Variants in SLC6A11 observed in about 807,000 individuals in gnomAD.
SLC6A11 encodes the protein sodium- and chloride-dependent GABA transporter 3.
In SLC6A11, 25 loss-of-function variants were observed where a neutral mutation model predicts 74.8. That is an observed-to-expected ratio of 0.33 (90% CI 0.24 to 0.47). The LOEUF (loss-of-function observed/expected upper bound fraction) is 0.47, where lower values mean the gene tolerates loss of function less well. Among genes scored for constraint, SLC6A11 ranks in the 20% least tolerant of loss-of-function variants. The pLI is 1.00. For missense variants in SLC6A11, 574 were observed against 837.0 expected (o/e 0.69, Z 3.88); for synonymous variants, 330 against 330.2 (o/e 1.00, Z 0.01).
intron 4 of SLC6A11, among the ~76,000 whole-genome samples, chr3:10,830,350 A>G (rs1312484250): frequency 6.6e-6 from 1 of 152,204 alleles, no homozygotes; most frequent in Non-Finnish European, 1.5e-5. Context: ...TTTAGATCCT[A>G]GGGGCTAAGG....
In SLC6A11 at chr3:10,912,457, C is replaced by T. The variant is rs1575699973; in HGVS notation, c.995+264C>T. On this transcript the variant is annotated intron_variant, in intron 7 of 13. Transcript: ENST00000254488. Reference sequence around the variant, plus strand: ...TCTCATTCAGGTCTCAGTGCCACCTCGTATGGTAAAGACGTATTCCAGGAT... The same window carrying T: ...TCTCATTCAGGTCTCAGTGCCACCTTGTATGGTAAAGACGTATTCCAGGAT... Among the ~76,000 whole-genome samples, 3 of 152,216 alleles carry T rather than the reference C, an allele frequency of 2.0e-5. No homozygotes were observed. In the East Asian group the frequency reaches 5.8e-4, roughly 29 times the overall value.
chr3:10,934,683 C>A (rs1204037935), intron 12 of SLC6A11, among the ~76,000 whole-genome samples: 5 of 152,244 alleles, frequency 3.3e-5, no homozygotes, highest in Admixed American at 2.0e-4. Context: ...TGAGAAGCAA[C>A]TTTGAAACCA....
rs576493059 is a variant in SLC6A11, at chr3:10,926,604, C to T, written c.1233+488C>T. 6.6e-6 allele frequency among the ~76,000 whole-genome samples: 1 copy of T among 152,202 alleles called. No homozygotes were observed. The highest frequency in any genetic ancestry group is 2.4e-5 in the African/African-American group (1 of 41,528). ...GTCCTGGATGCCACCACCAGCTCTGCCCCGCCACCGCCTGCCTGTCTCTGT... is the reference window on the plus strand; with the variant it reads ...GTCCTGGATGCCACCACCAGCTCTGTCCCGCCACCGCCTGCCTGTCTCTGT... On this transcript the variant is annotated intron_variant, in intron 9 of 13. Transcript: ENST00000254488. This position sits in a 1 kb window ranked among gnomAD's most constrained non-coding sequence, Gnocchi z 5.7.
chr3:10,875,089 C>T lies in SLC6A11; in HGVS notation c.885C>T (p.Asp295=). ...ACCCTGACCTCTCCCGGCTCTCCGA[C>T]CCCCAGGTAAGAGTCGCTTGCTCAA... ...YLYPDLSRLS[D]PQVWVDAGTQ... is the part of the protein sequence containing the mutation. Residue 295 remains aspartate, a synonymous_variant, in exon 6 of 14, where the codon GAC becomes GAT. Coordinates refer to ENST00000254488, the MANE Select transcript of SLC6A11 (RefSeq NM_014229.3). The T allele has an allele frequency of 6.2e-7, 1 of 1,607,052 alleles. No individual in the cohort carries two copies. Among genetic ancestry groups the T allele is most frequent in the East Asian group, 2.2e-5 (1 of 44,656 alleles).
chr3:10,910,920 C>T (rs532735256), intron 6 of SLC6A11, among the ~76,000 whole-genome samples: 37 of 148,650 alleles, frequency 2.5e-4, no homozygotes, highest in African/African-American at 9.2e-4. Flanking sequence ...CCTCCCAGTT[C>T]AAGCAATTCT....
chr3:10,843,871 C>G (rs1009443862), intron 4 of SLC6A11, among the ~76,000 whole-genome samples: 1 of 152,212 alleles, frequency 6.6e-6, no homozygotes, highest in Non-Finnish European at 1.5e-5. Flanking sequence ...TATGGGCTCC[C>G]TTCAGGGAGG....
intron 4 of SLC6A11, among the ~76,000 whole-genome samples, chr3:10,841,052 A>G (rs1050570325): frequency 1.3e-5 from 2 of 152,196 alleles, no homozygotes; most frequent in African/African-American, 4.8e-5. Flanking sequence ...GAAATACTCT[A>G]CTATGGCCTG....
intron 8 of SLC6A11, among the ~76,000 whole-genome samples, chr3:10,923,781 T>C (rs953771895): frequency 2.0e-5 from 3 of 152,148 alleles, no homozygotes; most frequent in African/African-American, 4.8e-5. Context: ...AATGTTATAG[T>C]GGAGAAACCT....
intron 4 of SLC6A11, among the ~76,000 whole-genome samples, chr3:10,833,493 A>G (rs1694325182): frequency 1.3e-5 from 2 of 152,202 alleles, no homozygotes; most frequent in South Asian, 4.1e-4. Flanking sequence ...GCTTCTGGTG[A>G]TGATGCCATC....
intron 6 of SLC6A11, among the ~76,000 whole-genome samples, chr3:10,877,242 G>C (rs1208638178): frequency 2.0e-5 from 3 of 152,176 alleles, no homozygotes; most frequent in Non-Finnish European, 4.4e-5. Flanking sequence ...TGTGTCGGGG[G>C]GTGGTCCCAA....
At chr3:10,854,827 G>A (rs1206146896) in intron 5 of SLC6A11, among the ~76,000 whole-genome samples, 1 of 152,182 alleles carries the variant, frequency 6.6e-6, no homozygotes, top group Non-Finnish European at 1.5e-5. Flanking sequence ...TAACTTTACT[G>A]TATGTTTATA....
At chr3:10,906,420 A>G (rs537352813) in intron 6 of SLC6A11, among the ~76,000 whole-genome samples, 1 of 152,330 alleles carries the variant, frequency 6.6e-6, no homozygotes, top group Admixed American at 6.5e-5. Context: ...CATCTGCATG[A>G]TGTCAGTTCT....
chr3:10,888,759 G>GA lies in SLC6A11; in HGVS notation c.891+13666dup, dbSNP rs143132052. Among the ~76,000 whole-genome samples, 82 of 152,304 alleles carry GA rather than the reference G, an allele frequency of 5.4e-4. No homozygotes were observed. In the East Asian group the frequency reaches 0.013, roughly 24 times the overall value. ...GCTGAGCTGTGCCAGCACAAAAGAG[G>GA]AACAACCAAGTGCCTGTCTTCAGGT... On this transcript the variant is annotated intron_variant, in intron 6 of 13. Coordinates refer to ENST00000254488, the MANE Select transcript of SLC6A11 (RefSeq NM_014229.3).
rs540798327 is a variant in SLC6A11, at chr3:10,816,674, C to A, written c.256+153C>A. On this transcript the variant is annotated intron_variant, in intron 1 of 13. Coordinates refer to ENST00000254488, the MANE Select transcript of SLC6A11 (RefSeq NM_014229.3). This position sits in a 1 kb window ranked among gnomAD's most constrained non-coding sequence, Gnocchi z 4.2. ...AGGCACCTCGCGTGTGAGCTCGCCC[C>A]GGAGCGCGGCCCACCTGTGCCAGTG... Among the ~76,000 whole-genome samples the A allele has an allele frequency of 6.6e-6, 1 of 152,188 alleles. No homozygotes were observed. Among genetic ancestry groups the A allele is most frequent in the Non-Finnish European group, 1.5e-5 (1 of 68,026 alleles).
In SLC6A11 at chr3:10,874,969, C is replaced by T. The variant is rs576165018; in HGVS notation, c.765C>T (p.Tyr255=). The T allele has an allele frequency of 3.0e-5, 48 of 1,611,268 alleles. No individual in the cohort carries two copies. The East Asian group carries it at 6.3e-4, about 21-fold the overall frequency. ...TCTCCTCTTGTGCACAGGTTGTATA[C>T]GTGACTGCGACATTCCCCTACATCA... ...KGTKSTGKVV[Y]VTATFPYIML... is the part of the protein sequence containing the mutation. The change falls in exon 6 of 14, where the codon TAC becomes TAT. Residue 255 remains tyrosine (Y), a synonymous_variant. Transcript: ENST00000254488.
intron 9 of SLC6A11, among the ~76,000 whole-genome samples, chr3:10,927,695 G>C (rs1454357364): frequency 6.6e-6 from 1 of 152,156 alleles, no homozygotes; most frequent in Non-Finnish European, 1.5e-5. Context: ...GCAGCTGCGA[G>C]GCCATAGCCT....
rs374506700 is a variant in SLC6A11, at chr3:10,875,032, C to T, written c.828C>T (p.Pro276=). Residue 276 remains proline (P), a synonymous_variant, in exon 6 of 14, where the codon CCC becomes CCT. Transcript: ENST00000254488. ...LILLIRGVTL[P]GASEGIKFYL... is the part of the protein sequence containing the mutation. ...TCCTGATACGAGGGGTCACGTTGCCCGGGGCCTCAGAGGGCATCAAGTTCT... is the reference window on the plus strand; with the variant it reads ...TCCTGATACGAGGGGTCACGTTGCCTGGGGCCTCAGAGGGCATCAAGTTCT... The T allele has an allele frequency of 2.1e-5, 34 of 1,613,676 alleles. No homozygotes were observed. Among genetic ancestry groups the T allele is most frequent in the Admixed American group, 1.0e-4 (6 of 59,974 alleles).
chr3:10,820,025 A>T (rs932563068), intron 3 of SLC6A11, among the ~76,000 whole-genome samples, 173 bp downstream of exon 3: 2 of 152,222 alleles, frequency 1.3e-5, no homozygotes, highest in Non-Finnish European at 2.9e-5. Flanking sequence ...ACGTTCTGTG[A>T]GTTGCAGCCC....
In SLC6A11 at chr3:10,933,253, G is replaced by C; in HGVS notation, c.1474G>C (p.Gly492Arg). ...FECICIGWVY[G>R]SNRFYDNIED... ...GTGCATCTGCATCGGCTGGGTGTAT[G>C]GTGAGTAGCAGCCAAGCCCGTCCAC... is the stretch of plus-strand genomic sequence containing the variant. Residue 492 changes from glycine to arginine, a missense_variant and splice_region_variant, in exon 11 of 14, where the codon GGA (glycine) becomes CGA (arginine). By Grantham distance (125) the Gly-to-Arg change is moderately radical. This residue lies in a region of SLC6A11 where 257 missense variants were observed against 341.5 expected (regional missense o/e 0.75). Transcript: ENST00000254488. The C allele has an allele frequency of 6.2e-7, 1 of 1,610,516 alleles. No homozygotes were observed. The highest frequency in any genetic ancestry group is 8.5e-7 in the Non-Finnish European group (1 of 1,176,734).
Sources: gnomAD v4.1 joint callset for allele counts (sites outside exome capture counted in the v4.1 genomes callset) on GRCh38, gnomAD v4.1.1 for gene constraint, gnomAD v4.1.1 regional missense constraint, Gnocchi (gnomAD v3.1) non-coding constraint, MANE v1.5 for transcripts, NCBI Gene and HGNC (gene_info 2026-07-23, HGNC 2026-07-21) for gene names.